GSE1: variants seen among roughly 807,000 people sequenced by gnomAD.
GSE1 encodes genetic suppressor element 1.
Under a neutral mutation model 112.6 loss-of-function variants are expected in GSE1, and 32 were observed. The ratio of observed to expected loss-of-function variants is 0.28; its 90% CI spans 0.21 to 0.38. GSE1 has a LOEUF of 0.38. Among genes scored for constraint, GSE1 ranks in the 10% least tolerant of loss-of-function variants. The pLI, the probability that GSE1 is intolerant of heterozygous loss-of-function variation, is 1.00. For missense variants in GSE1, 2,348 were observed against 1,699.2 expected, an observed-to-expected ratio of 1.38 and a Z score of -6.71; for synonymous variants, 1,115 against 735.6, an observed-to-expected ratio of 1.52 and a Z score of -8.35.
chr16:85,482,989 A>AC (rs577815531), intron 2 of GSE1, among the ~76,000 whole-genome samples: 5 of 66,630 alleles, frequency 7.5e-5, no homozygotes, highest in African/African-American at 3.3e-4. Flanking sequence ...AAAAAAAAAA[A>AC]AAAAAAAATA....
chr16:85,271,010 C>T (rs752780541), intron 1 of GSE1, among the ~76,000 whole-genome samples: 10 of 152,312 alleles, frequency 6.6e-5, no homozygotes, highest in African/African-American at 1.2e-4. Flanking sequence ...TGAGGCAGAG[C>T]GAATGCCATC....
At chr16:85,513,810 AG>A (rs368125015) in intron 2 of GSE1, among the ~76,000 whole-genome samples, 14 of 151,786 alleles carry the variant, frequency 9.2e-5, no homozygotes, top group Non-Finnish European at 1.6e-4. Context: ...CAGACCGGGG[AG>A]GGGGGGTCCC....
At position 85,648,763 on chromosome 16, in the gene GSE1, G is replaced by C. The variant is rs770263163; in HGVS notation, c.426+12G>C. On this transcript the variant is annotated intron_variant, in intron 3 of 15. Coordinates refer to ENST00000253458, the MANE Select transcript of GSE1 (RefSeq NM_014615.5). ...GTGAGAGCCGGCAGGTGAGTGGGGCGGGGCAGGGAGCCTAGCGTCCTCTAA... is the reference window on the plus strand; with the variant it reads ...GTGAGAGCCGGCAGGTGAGTGGGGCCGGGCAGGGAGCCTAGCGTCCTCTAA... The C allele has an allele frequency of 2.6e-6, 4 of 1,534,074 alleles. No individual in the cohort carries two copies. Among genetic ancestry groups the C allele is most frequent in the Non-Finnish European group, 1.8e-6 (2 of 1,132,600 alleles).
chr16:85,594,305 G>T (rs1158061511), intron 1 of GSE1: 9 of 152,106 alleles, frequency 5.9e-5, no homozygotes, highest in African/African-American at 2.2e-4. Flanking sequence ...ACCGCGGTCA[G>T]CTTCTCCATC....
chr16:85,504,439 G>T (rs2051470963), intron 2 of GSE1, among the ~76,000 whole-genome samples: 2 of 152,350 alleles, frequency 1.3e-5, no homozygotes, highest in South Asian at 4.1e-4. Flanking sequence ...GCAGAGCGGT[G>T]ACAGGGGCAC....
chr16:85,338,766 G>C (rs578057064), intron 1 of GSE1, among the ~76,000 whole-genome samples: 2 of 151,870 alleles, frequency 1.3e-5, no homozygotes, highest in African/African-American at 4.9e-5. Flanking sequence ...GAGGAAGCTG[G>C]GGCCCAGAGA....
chr16:85,640,878 G>A (rs1030308333), intron 2 of GSE1, among the ~76,000 whole-genome samples: 3 of 152,248 alleles, frequency 2.0e-5, no homozygotes, highest in African/African-American at 7.2e-5. Context: ...CGTCCTCATG[G>A]TGCCTCTCCG....
At chr16:85,483,865 G>A (rs565318490) in intron 2 of GSE1, among the ~76,000 whole-genome samples, 3 of 152,354 alleles carry the variant, frequency 2.0e-5, no homozygotes, top group South Asian at 2.1e-4. Flanking sequence ...TCGGTGTACC[G>A]TCCCCTGCCA....
chr16:85,557,782 A>G (rs1418495904), intron 1 of GSE1, among the ~76,000 whole-genome samples: 2 of 151,562 alleles, frequency 1.3e-5, no homozygotes, highest in African/African-American at 2.4e-5. Context: ...TGACTTAAAA[A>G]AAAAAAAAAG....
At chr16:85,578,900 G>C (rs115853605) in intron 1 of GSE1, among the ~76,000 whole-genome samples, 1 of 150,032 alleles carries the variant, frequency 6.7e-6, no homozygotes. Flanking sequence ...ATCTTACTGC[G>C]TCTCCTCAAC....
chr16:85,327,344 T>C (rs1236003642), intron 1 of GSE1, among the ~76,000 whole-genome samples: 3 of 152,198 alleles, frequency 2.0e-5, no homozygotes, highest in African/African-American at 7.2e-5. Flanking sequence ...GGCTCACACC[T>C]GTAATCCCAG....
intron 1 of GSE1, among the ~76,000 whole-genome samples, chr16:85,257,900 G>T (rs1357656114): frequency 6.6e-6 from 1 of 152,256 alleles, no homozygotes; most frequent in Non-Finnish European, 1.5e-5. Flanking sequence ...CTCCATGTCT[G>T]TTTATACATA....
At chr16:85,238,975 T>C (rs1904947726) in intron 1 of GSE1, among the ~76,000 whole-genome samples, 2 of 152,162 alleles carry the variant, frequency 1.3e-5, no homozygotes, top group South Asian at 4.1e-4. Context: ...TTGCTCACAC[T>C]GGAGTGCAGT....
At chr16:85,432,972 A>G (rs569905456) in intron 2 of GSE1, among the ~76,000 whole-genome samples, 1 of 152,228 alleles carries the variant, frequency 6.6e-6, no homozygotes, top group Admixed American at 6.5e-5. Flanking sequence ...TAGAGCGGTC[A>G]CACTGTGGAT....
intron 15 of GSE1, chr16:85,672,095 T>G (rs1598735597): frequency 6.4e-6 from 2 of 311,062 alleles, no homozygotes; most frequent in Non-Finnish European, 1.3e-5. Flanking sequence ...GCCTCCTGGG[T>G]TCAAGCGATT....
chr16:85,558,157 G>A (rs1473857403), intron 1 of GSE1, among the ~76,000 whole-genome samples: 1 of 152,184 alleles, frequency 6.6e-6, no homozygotes, highest in African/African-American at 2.4e-5. Flanking sequence ...GAAGATTCCA[G>A]GTAAATGAGG....
At chr16:85,365,345 A>G (rs896235485) in intron 2 of GSE1, among the ~76,000 whole-genome samples, 2 of 152,208 alleles carry the variant, frequency 1.3e-5, no homozygotes, top group Non-Finnish European at 2.9e-5. Context: ...ACAGCACTTC[A>G]GACGCACCAC....
rs184162476 is a variant in GSE1, at chr16:85,215,731, C to T, written c.2283+43924C>T. ...CACTTGGGGATCAGGGAGTGAACAC[C>T]ACTGCTTTCAGAGCACACATTCTGG... is the stretch of plus-strand genomic sequence containing the variant. On this transcript the variant is annotated intron_variant, in intron 1 of 2. Transcript: ENST00000637419. Among the ~76,000 whole-genome samples, 384 of 152,260 alleles carry T rather than the reference C, an allele frequency of 2.5e-3. 1 individual carries two copies. The highest frequency in any genetic ancestry group is 4.2e-3 in the Admixed American group (64 of 15,292).
At chr16:85,176,480 G>T (rs576533676) in intron 1 of GSE1, among the ~76,000 whole-genome samples, 28 of 152,254 alleles carry the variant, frequency 1.8e-4, no homozygotes, top group African/African-American at 5.8e-4. Context: ...GGCTTCCCCA[G>T]TGTGGACCAT....
Sources: gnomAD v4.1 joint callset for allele counts (sites outside exome capture counted in the v4.1 genomes callset) on GRCh38, gnomAD v4.1.1 for gene constraint, MANE v1.5 for transcripts, NCBI Gene and HGNC (gene_info 2026-07-23, HGNC 2026-07-21) for gene names.